SEMA4G: variants seen among roughly 807,000 people sequenced by gnomAD.
The protein encoded by SEMA4G is semaphorin-4G.
A neutral mutation model predicts 81.2 loss-of-function variants in SEMA4G; 59 were observed. The ratio of observed to expected loss-of-function variants is 0.73; its 90% CI spans 0.59 to 0.90. The LOEUF (loss-of-function observed/expected upper bound fraction) is 0.90. Among genes scored for constraint, SEMA4G ranks in the 40% least tolerant of loss-of-function variants. SEMA4G has a pLI of 0.00. For synonymous variants in SEMA4G, 404 were observed against 433.9 expected, an observed-to-expected ratio of 0.93 and a Z score of 0.86; for missense variants, 952 against 1,102.3, an observed-to-expected ratio of 0.86 and a Z score of 1.93.
chr10:100,980,437 A>C (rs1033485552), intron 10 of SEMA4G, 93 bp downstream of exon 11: 1 of 1,408,066 alleles, frequency 7.1e-7, no homozygotes. Flanking sequence ...TGGAGTTCCC[A>C]GTGTCCTGAG....
chr10:100,983,271 G>C, intron 13 of SEMA4G, 34 bp from the exon 15 acceptor site: 1 of 1,476,210 alleles, frequency 6.8e-7, no homozygotes, highest in South Asian at 1.4e-5. Flanking sequence ...TTCCTGGGAC[G>C]GGCTGGTACT....
intron 12 of SEMA4G, 65 bp downstream of exon 13, chr10:100,981,062 C>A: frequency 6.2e-7 from 1 of 1,601,570 alleles, no homozygotes; most frequent in Non-Finnish European, 8.5e-7. Context: ...CTGATAGCTA[C>A]TGGGGGAGTG....
chr10:100,982,414 G>C lies in SEMA4G; in HGVS notation c.1691-891G>C, dbSNP rs1851140458. On this transcript the variant is annotated intron_variant, in intron 13 of 13. Transcript: ENST00000370250. ...ATGAAGAATGGATTACATGGGGCCA[G>C]AGTGGGCCAGGAGTCATGGAAGGAG... 3.3e-5 allele frequency among the ~76,000 whole-genome samples: 5 copies of C among 152,258 alleles called. No individual in the cohort carries two copies. The South Asian group carries it at 8.3e-4, about 25-fold the overall frequency.
chr10:100,985,276 T>C (rs919060865), downstream of SEMA4G: 7 of 183,388 alleles, frequency 3.8e-5, no homozygotes, highest in Non-Finnish European at 5.7e-5. Context: ...CTCCTACCCC[T>C]GTCCTACCTC....
chr10:100,976,956 T>C (rs1350418672), intron 3 of SEMA4G, among the ~76,000 whole-genome samples: 1 of 152,084 alleles, frequency 6.6e-6, no homozygotes, highest in Non-Finnish European at 1.5e-5. Flanking sequence ...TGGGTGCTGG[T>C]GGTGGAGTCA....
intron 13 of SEMA4G, 142 bp downstream of exon 14, chr10:100,981,371 C>T: frequency 6.2e-7 from 1 of 1,609,670 alleles, no homozygotes. Flanking sequence ...GAGCCTGGCA[C>T]AGAGTAAGTG....
chr10:100,982,098 C>T (rs1851113220), intron 13 of SEMA4G, among the ~76,000 whole-genome samples: 1 of 149,926 alleles, frequency 6.7e-6, no homozygotes, highest in Non-Finnish European at 1.5e-5. Flanking sequence ...AGAATTCAAA[C>T]CTGACCCCAA....
At chr10:100,977,645 A>C (rs759972554) in exon 4 of SEMA4G, 6 of 1,613,968 alleles carry the variant, frequency 3.7e-6, no homozygotes, top group Admixed American at 1.7e-5. Context: ...GAGTGCTTTA[A>C]CCATGTGCGG....
chr10:100,981,234 GTGACTCATA>G lies in SEMA4G; in HGVS notation c.1690+9_1690+17del, dbSNP rs750718779. On this transcript the variant is annotated splice_donor_region_variant and intron_variant, in intron 13 of 13. Transcript: ENST00000370250. ...GTGAGAGCAGCAGGGATACAGGTAA[GTGACTCATA>G]TGAGTGTGGGTCTAGCTACGCAGAC... The G allele has an allele frequency of 1.2e-6, 2 of 1,613,996 alleles. No homozygotes were observed. The highest frequency in any genetic ancestry group is 1.7e-6 in the Non-Finnish European group (2 of 1,179,944).
In SEMA4G at chr10:100,983,828, A is replaced by AGATGAGGGTGAT. The variant is rs772358119; in HGVS notation, c.2223_2234dup (p.Asp742_Gly745dup). 9.4e-6 allele frequency: 15 copies of AGATGAGGGTGAT among 1,599,944 alleles called. No homozygotes were observed. The African/African-American group carries it at 2.0e-4, about 21-fold the overall frequency. On this transcript the variant is annotated inframe_insertion, in exon 14 of 14. Coordinates refer to ENST00000370250, the Ensembl canonical transcript of SEMA4G. ...TCTCAGGCCAGTGTCCTGGAGAGGA[A>AGATGAGGGTGAT]GATGAGGGTGATGATGAGGGGGCTG...
At chr10:100,981,300 G>C in intron 13 of SEMA4G, 71 bp downstream of exon 14, 1 of 1,593,674 alleles carries the variant, frequency 6.3e-7, no homozygotes, top group South Asian at 1.1e-5. Context: ...CCATGTGTAC[G>C]TATATGTTTG....
At chr10:100,972,339 G>C (rs989327335), upstream of SEMA4G, among the ~76,000 whole-genome samples, 1 of 151,940 alleles carries the variant, frequency 6.6e-6, no homozygotes, top group Non-Finnish European at 1.5e-5. Flanking sequence ...TTGTAAGGAA[G>C]GTAAGTTCCA....
Position 100,979,836 on chromosome 10 carries a change from G to A in SEMA4G, c.984-12G>A. ...ATGTAACTCACCCCCCTTGCCCTAT[G>A]TCCCATTCTAGGAAGACCCTGGAGG... On this transcript the variant is annotated splice_polypyrimidine_tract_variant and intron_variant, in intron 8 of 13. Transcript: ENST00000370250. 1 of 1,612,656 alleles carries A rather than the reference G, an allele frequency of 6.2e-7. No homozygotes were observed. The highest frequency in any genetic ancestry group is 8.5e-7 in the Non-Finnish European group (1 of 1,179,852).
In SEMA4G at chr10:100,981,516, A is replaced by T. The variant is rs767585641; in HGVS notation, c.1690+287A>T. On this transcript the variant is annotated intron_variant, in intron 13 of 13. Transcript: ENST00000370250. ...TCAGGACGGTAATGGGTATTTCCCC[A>T]AGGAAGATCGGATGACTGAACTGAT... 2.5e-6 allele frequency: 4 copies of T among 1,614,048 alleles called. No individual in the cohort carries two copies. The African/African-American group carries it at 5.3e-5, about 22-fold the overall frequency.
At chr10:100,984,094 C>T (rs150436471) in exon 14 of SEMA4G, 47 of 1,613,158 alleles carry the variant, frequency 2.9e-5, no homozygotes, top group African/African-American at 6.7e-5. Context: ...AGGAAGCACA[C>T]GCAGCTCGTG....
exon 14 of SEMA4G, chr10:100,983,441 C>G (rs753494547): frequency 4.3e-6 from 7 of 1,613,992 alleles, no homozygotes; most frequent in Non-Finnish European, 5.1e-6. Context: ...GGCAGGGTGG[C>G]TACCGTGTGG....
chr10:100,972,780 C>T, exon 1 of SEMA4G: 2 of 920,852 alleles, frequency 2.2e-6, no homozygotes, highest in Non-Finnish European at 3.3e-6. Context: ...CTCCTATGAC[C>T]TTATGACCCC....
upstream of SEMA4G, chr10:100,969,553 C>G (rs1175789338): frequency 6.3e-6 from 1 of 158,550 alleles, no homozygotes; most frequent in Non-Finnish European, 1.4e-5. Flanking sequence ...CGCGGAGCCG[C>G]GCGTCGCTGT....
chr10:100,983,202 T>A (rs745428974), intron 13 of SEMA4G, 103 bp from the exon 15 acceptor site: 193 of 1,322,654 alleles, frequency 1.5e-4, no homozygotes, highest in Non-Finnish European at 1.9e-4. Flanking sequence ...TGATTCTGGG[T>A]TCTGTGCTTG....
Sources: gnomAD v4.1 joint callset for allele counts (sites outside exome capture counted in the v4.1 genomes callset) on GRCh38, gnomAD v4.1.1 for gene constraint, MANE v1.5 for transcripts, NCBI Gene and HGNC (gene_info 2026-07-23, HGNC 2026-07-21) for gene names.